CHEK2: variants seen among roughly 807,000 people sequenced by gnomAD.
CHEK2 encodes the protein checkpoint kinase 2.
In CHEK2, 71 loss-of-function variants were observed where a neutral mutation model predicts 69.1. That is an observed-to-expected ratio of 1.03 (90% CI 0.85 to 1.25). The LOEUF is 1.25. CHEK2 is among the 50% of genes most tolerant of loss of function. The probability of loss-of-function intolerance (pLI) is 0.00; values close to 1 mark genes in which losing one functional copy is unlikely to be tolerated. For synonymous variants in CHEK2, 189 were observed against 226.9 expected, an observed-to-expected ratio of 0.83 and a Z score of 1.50; for missense variants, 664 against 649.6, an observed-to-expected ratio of 1.02 and a Z score of -0.24.
chr22:28,722,539 CAAAA>C (rs755107963), intron 4 of CHEK2, among the ~76,000 whole-genome samples: 4 of 67,928 alleles, frequency 5.9e-5, no homozygotes, highest in Non-Finnish European at 6.0e-5. Context: ...GACTCCGTCT[CAAAA>C]AAAAAAAAAA....
In CHEK2 at chr22:28,734,621, T is replaced by C. The variant is rs2146152117; in HGVS notation, c.101A>G (p.Gln34Arg). ...AGAGGAGCTGGATATGCCCTGGGACTGTGAGGAGGAGCCTTGGGACTGGGT... is the reference window on the plus strand; with the variant it reads ...AGAGGAGCTGGATATGCCCTGGGACCGTGAGGAGGAGCCTTGGGACTGGGT... The part of the protein sequence containing the change: ...SVTQSQGSSS[Q>R]SQGISSSSTS... Residue 34 changes from glutamine (Q) to arginine (R), a missense_variant, in exon 2 of 15, where the codon CAG becomes CGG. Transcript: ENST00000404276. The C allele has an allele frequency of 2.5e-6, 4 of 1,613,830 alleles. No individual in the cohort carries two copies. The highest frequency in any genetic ancestry group is 3.4e-6 in the Non-Finnish European group (4 of 1,179,980).
At chr22:28,709,860 C>T (rs1168539244) in intron 7 of CHEK2, 146 bp downstream of exon 7, 2 of 484,558 alleles carry the variant, frequency 4.1e-6, no homozygotes, top group Non-Finnish European at 7.8e-6. Flanking sequence ...AGGTGATTCA[C>T]CCACCTCGGC....
At chr22:28,689,032 A>G (rs1460616875) in intron 14 of CHEK2, 103 bp downstream of exon 14, 3 of 739,122 alleles carry the variant, frequency 4.1e-6, no homozygotes, top group Non-Finnish European at 7.1e-6. Flanking sequence ...AACTGAAACA[A>G]TGTTAAGCAA....
At chr22:28,706,177 T>C (rs1163496191) in intron 7 of CHEK2, among the ~76,000 whole-genome samples, 1 of 151,718 alleles carries the variant, frequency 6.6e-6, no homozygotes, top group Non-Finnish European at 1.5e-5. Context: ...AGCACGAACC[T>C]GTAGTCCCAG....
At chr22:28,719,602 T>C (rs2146009415) in intron 4 of CHEK2, 117 bp from the exon 5 acceptor site, 1 of 656,878 alleles carries the variant, frequency 1.5e-6, no homozygotes, top group South Asian at 1.8e-5. Flanking sequence ...ACATTTAACA[T>C]GTAACCTTAA....
chr22:28,714,827 A>C (rs1019815110), intron 5 of CHEK2, among the ~76,000 whole-genome samples: 2 of 152,124 alleles, frequency 1.3e-5, no homozygotes, highest in African/African-American at 4.8e-5. Context: ...GTATGAGGTA[A>C]GGGTCCATGT....
At chr22:28,741,169 A>AAAAAG (rs1569179461) in intron 1 of CHEK2, among the ~76,000 whole-genome samples, 2 of 137,020 alleles carry the variant, frequency 1.5e-5, no homozygotes, top group African/African-American at 2.7e-5. Context: ...AAAAAAAAAA[A>AAAAAG]AAAGGTACAG....
chr22:28,701,071 G>A (rs1285111932), intron 8 of CHEK2, among the ~76,000 whole-genome samples: 3 of 152,006 alleles, frequency 2.0e-5, no homozygotes, highest in African/African-American at 4.8e-5. Context: ...TTACAGGCGT[G>A]AGCCACCGTG....
rs767253467 is a variant in CHEK2 at position 28,719,449 on chromosome 22, G to A, written c.629C>T (p.Ser210Leu). The A allele has an allele frequency of 1.0e-5, 16 of 1,597,546 alleles. No homozygotes were observed. The highest frequency in any genetic ancestry group is 1.3e-5 in the African/African-American group (1 of 74,796). ...ATCTCTTAATGCCTTAGGATAAACT[G>A]ACTGATCATCTACAGTCAGATCAAA... Reference protein sequence around the residue: ...VFFDLTVDDQSVYPKALRDEY... With the variant: ...VFFDLTVDDQLVYPKALRDEY... Residue 210 changes from serine to leucine, a missense_variant, in exon 5 of 15, where the codon TCA (serine) becomes TTA (leucine). By Grantham distance (145) the Ser-to-Leu change is moderately radical. Coordinates refer to ENST00000404276, the MANE Select transcript of CHEK2 (RefSeq NM_007194.4).
intron 13 of CHEK2, among the ~76,000 whole-genome samples, chr22:28,692,303 C>T (rs540497816): frequency 6.6e-6 from 1 of 151,196 alleles, no homozygotes; most frequent in Non-Finnish European, 1.5e-5. Context: ...TCTTTTTCAT[C>T]AAAATTAAAA....
At chr22:28,737,933 T>G (rs572900880) in intron 1 of CHEK2, 2 of 152,370 alleles carry the variant, frequency 1.3e-5, no homozygotes, top group Non-Finnish European at 2.9e-5. Flanking sequence ...CTGCCAGGTG[T>G]GGTGGTTCAT....
intron 1 of CHEK2, among the ~76,000 whole-genome samples, chr22:28,741,309 T>A (rs974228795): frequency 7.9e-5 from 12 of 151,340 alleles, no homozygotes; most frequent in Non-Finnish European, 1.5e-4. Context: ...ACTGATGCCC[T>A]CCTACCCACT....
chr22:28,712,882 T>G (rs753304880), intron 5 of CHEK2, among the ~76,000 whole-genome samples: 26 of 152,338 alleles, frequency 1.7e-4, no homozygotes, highest in Non-Finnish European at 3.7e-4. Context: ...CATTTGCCAA[T>G]GTTCTACAAC....
chr22:28,699,911 T>G lies in CHEK2; in HGVS notation c.935A>C (p.Lys312Thr), dbSNP rs1157311218. 1 of 1,613,974 alleles carries G rather than the reference T, an allele frequency of 6.2e-7. No individual in the cohort carries two copies. The highest frequency in any genetic ancestry group is 1.3e-5 in the African/African-American group (1 of 75,020). Residue 312 changes from lysine to threonine, a missense_variant, in exon 9 of 15, where the codon AAA (lysine) becomes ACA (threonine). Physicochemically the swap from Lys to Thr is moderately conservative, Grantham distance 78. Transcript: ENST00000404276. Reference sequence around the variant, plus strand: ...TTTCAGGCGTTTATTCCCCACCACTTTGTCAAACAGCTCTCCCCCTTCCAT... The same window carrying G: ...TTTCAGGCGTTTATTCCCCACCACTGTGTCAAACAGCTCTCCCCCTTCCAT... ...ELMEGGELFDKVVGNKRLKEA... is the reference protein window; with the variant it reads ...ELMEGGELFDTVVGNKRLKEA...
intron 2 of CHEK2, among the ~76,000 whole-genome samples, chr22:28,731,975 T>G (rs1447074631): frequency 6.6e-6 from 1 of 152,200 alleles, no homozygotes; most frequent in Non-Finnish European, 1.5e-5. Context: ...GGAATCTCGC[T>G]CTGTCACCCA....
chr22:28,721,287 T>G (rs1346200885), intron 4 of CHEK2, among the ~76,000 whole-genome samples: 1 of 144,872 alleles, frequency 6.9e-6, no homozygotes, highest in African/African-American at 2.5e-5. Context: ...TTGGGTTTTT[T>G]TTTTTTTTTT....
At chr22:28,700,584 TACAA>T (rs970447996) in intron 8 of CHEK2, among the ~76,000 whole-genome samples, 8 of 152,246 alleles carry the variant, frequency 5.3e-5, no homozygotes, top group Admixed American at 4.6e-4. Context: ...AACAGAATTT[TACAA>T]ACAGACAACC....
intron 4 of CHEK2, among the ~76,000 whole-genome samples, chr22:28,722,784 A>C (rs2053845469): frequency 6.6e-6 from 1 of 152,108 alleles, no homozygotes; most frequent in Non-Finnish European, 1.5e-5. Context: ...AGGCACAATC[A>C]TAGCTCACTG....
intron 1 of CHEK2, among the ~76,000 whole-genome samples, chr22:28,736,836 A>C (rs1223456629): frequency 6.9e-6 from 1 of 144,012 alleles, no homozygotes; most frequent in Non-Finnish European, 1.5e-5. Flanking sequence ...TCAGCTACTC[A>C]GGAAGGTGAG....
Sources: allele counts gnomAD v4.1 joint callset (sites outside exome capture counted in the v4.1 genomes callset), GRCh38; gene constraint gnomAD v4.1.1; transcripts MANE v1.5; gene names NCBI Gene and HGNC (gene_info 2026-07-23, HGNC 2026-07-21).